DERL3: variants seen among roughly 807,000 people sequenced by gnomAD.
The protein encoded by DERL3 is derlin-3.
In DERL3, 20 loss-of-function variants were observed where a neutral mutation model predicts 23.8. The observed-to-expected ratio is 0.84, with a 90% confidence interval of 0.59 to 1.22. DERL3 has a LOEUF of 1.22. Ranked by LOEUF, DERL3 falls within the 50% of genes most tolerant of loss-of-function variation. The pLI, the probability that DERL3 is intolerant of heterozygous loss-of-function variation, is 0.00. For missense variants in DERL3, 319 were observed against 304.1 expected (o/e 1.05, Z -0.36); for synonymous variants, 145 against 132.5 (o/e 1.09, Z -0.65).
rs1273915199 is a variant in DERL3 at position 23,834,504 on chromosome 22, TCAA to T, written c.*2362_*2364del. On this transcript the variant is annotated 3_prime_UTR_variant, in exon 7 of 7. Coordinates refer to ENST00000318109, the MANE Select transcript of DERL3 (RefSeq NM_001002862.3). The stretch of plus-strand genomic sequence containing the variant: ...TTAAATAAAAGGCAACAGGTCATGT[TCAA>T]TTTCTTCAACAGGTCATGTTCAATT... 2.0e-6 allele frequency: 1 copy of T among 507,892 alleles called. No homozygotes were observed. Among genetic ancestry groups the T allele is most frequent in the Non-Finnish European group, 3.7e-6 (1 of 270,170 alleles). 31.5% of individuals were successfully genotyped at this position (507,892 alleles called of 1,614,324 possible). A position where few individuals can be genotyped will look rare whatever the true frequency, so the allele number is the denominator to read the frequency against.
Position 23,834,735 on chromosome 22 carries a change from C to G in DERL3, c.*2134G>C. 1 of 1,477,956 alleles carries G rather than the reference C, an allele frequency of 6.8e-7. No individual in the cohort carries two copies. The highest frequency in any genetic ancestry group is 9.0e-7 in the Non-Finnish European group (1 of 1,108,718). The allele number at this position is 1,477,956 out of a possible 1,614,324, so 91.6% of individuals were successfully genotyped here. ...CCCCTCAGCCTGTTCTCCTTCCAGA[C>G]CCAGAGAGCTGAGAAGAGTAGCTGT... On this transcript the variant is annotated 3_prime_UTR_variant, in exon 7 of 7. Transcript: ENST00000318109.
chr22:23,837,738 AGT>A lies in DERL3; in HGVS notation c.442_443del (p.Thr148PhefsTer75). On this transcript the variant is annotated frameshift_variant, in exon 5 of 7. Coordinates refer to ENST00000318109, the MANE Select transcript of DERL3 (RefSeq NM_001002862.3). LOFTEE classifies it high-confidence loss of function. Reference protein sequence around the residue: ...RVRVNFFGLLTFQAPFLPWAL... With the variant: ...RVRVNFFGLLXFQAPFLPWAL... Reference sequence around the variant, plus strand: ...CCCAAGGCAGGAACGGTGCCTGGAAAGTGAGCAGGCCGAAGAAGTTGACCCTC... The same window carrying A: ...CCCAAGGCAGGAACGGTGCCTGGAAAGAGCAGGCCGAAGAAGTTGACCCTC... 6.2e-7 allele frequency: 1 copy of A among 1,614,056 alleles called. No homozygotes were observed. Among genetic ancestry groups the A allele is most frequent in the Non-Finnish European group, 8.5e-7 (1 of 1,180,010 alleles).
chr22:23,837,535 A>G, intron 5 of DERL3, 124 bp downstream of exon 5: 1 of 1,023,506 alleles, frequency 9.8e-7, no homozygotes, highest in South Asian at 1.6e-5. Context: ...GGGCAGGAAG[A>G]TGGGGATGGA....
intron 3 of DERL3, 52 bp from the exon 4 acceptor site, chr22:23,838,497 C>T: frequency 1.1e-5 from 17 of 1,573,464 alleles, no homozygotes; most frequent in Non-Finnish European, 1.5e-5. Context: ...GTTTCCCCGT[C>T]CCGGCCTCTC....
chr22:23,837,994 GAC>G, intron 4 of DERL3, 140 bp from the exon 5 acceptor site: 1 of 1,237,916 alleles, frequency 8.1e-7, no homozygotes, highest in Admixed American at 2.6e-5. Flanking sequence ...CAATAAAGGC[GAC>G]ACACTCCACG....
At position 23,838,749 on chromosome 22, in the gene DERL3, G is replaced by T; in HGVS notation, c.121C>A (p.Leu41Ile). Residue 41 changes from leucine (L) to isoleucine (I), a missense_variant, in exon 2 of 7, where the codon CTC (leucine) becomes ATC (isoleucine). By Grantham distance (5) the Leu-to-Ile change is conservative (BLOSUM62 2). Transcript: ENST00000318109. ...VQLELLSPFQ[L>I]YFNPHLVFRK... ...AACACAAGGTGCGGGTTGAAGTAGA[G>T]TTGAAAGGGGCTGAGGAGCTCCAGC... The T allele has an allele frequency of 6.4e-7, 1 of 1,551,400 alleles. No homozygotes were observed.
At chr22:23,837,227 G>GC in intron 5 of DERL3, 73 bp from the exon 6 acceptor site, 1 of 1,561,514 alleles carries the variant, frequency 6.4e-7, no homozygotes, top group Non-Finnish European at 8.7e-7. Flanking sequence ...CCTGCCCCAG[G>GC]CCCCCATCCA....
chr22:23,837,476 T>G, intron 5 of DERL3, 183 bp downstream of exon 5: 1 of 692,564 alleles, frequency 1.4e-6, no homozygotes, highest in Non-Finnish European at 2.4e-6. Flanking sequence ...ACGATGCAAA[T>G]TATGTGGGCC....
Position 23,836,330 on chromosome 22 carries a change from G to A in DERL3, c.*539C>T, listed in dbSNP as rs1211485439. 1.0e-6 allele frequency: 1 copy of A among 985,410 alleles called. No homozygotes were observed. Among genetic ancestry groups the A allele is most frequent in the Admixed American group, 6.1e-5 (1 of 16,264 alleles). The allele number at this position is 985,410 out of a possible 1,614,324, so 61.0% of individuals were successfully genotyped here. A position where few individuals can be genotyped will look rare whatever the true frequency, so the allele number is the denominator to read the frequency against. ...AGGGTGGCTGATGAGAGACAGGAGAGGCTAGATTGGCATCAGCCTGAAGGC... is the reference window on the plus strand; with the variant it reads ...AGGGTGGCTGATGAGAGACAGGAGAAGCTAGATTGGCATCAGCCTGAAGGC... On this transcript the variant is annotated 3_prime_UTR_variant, in exon 7 of 7. Coordinates refer to ENST00000318109, the MANE Select transcript of DERL3 (RefSeq NM_001002862.3).
At chr22:23,837,899 C>CCAAG in intron 4 of DERL3, 45 bp from the exon 5 acceptor site, 1 of 1,566,726 alleles carries the variant, frequency 6.4e-7, no homozygotes, top group Non-Finnish European at 8.7e-7. Context: ...CAGCCCAAGC[C>CCAAG]CAGGGCCCCT....
Position 23,834,949 on chromosome 22 carries a change from C to T in DERL3, c.*1920G>A. The stretch of plus-strand genomic sequence containing the variant: ...TGAAGTCCCCTGCGGAGGGCCCAGT[C>T]CTGTGTGGGCACTGCTGGGCTGTCG... On this transcript the variant is annotated 3_prime_UTR_variant, in exon 7 of 7. Coordinates refer to ENST00000318109, the MANE Select transcript of DERL3 (RefSeq NM_001002862.3). The T allele has an allele frequency of 6.3e-7, 1 of 1,592,082 alleles. No homozygotes were observed. The highest frequency in any genetic ancestry group is 1.1e-5 in the South Asian group (1 of 89,260).
chr22:23,835,559 C>G lies in DERL3; in HGVS notation c.*1310G>C. 1 of 985,528 alleles carries G rather than the reference C, an allele frequency of 1.0e-6. No homozygotes were observed. Among genetic ancestry groups the G allele is most frequent in the Non-Finnish European group, 1.2e-6 (1 of 829,962 alleles). The allele number at this position is 985,528 out of a possible 1,614,324, so 61.0% of individuals were successfully genotyped here. Reference sequence around the variant, plus strand: ...CATGGGACTCTTCCCAGGGAGTTTGCACTCAGGGCCTCTGCCCTCCATCAA... The same window carrying G: ...CATGGGACTCTTCCCAGGGAGTTTGGACTCAGGGCCTCTGCCCTCCATCAA... On this transcript the variant is annotated 3_prime_UTR_variant, in exon 7 of 7. Coordinates refer to ENST00000318109, the MANE Select transcript of DERL3 (RefSeq NM_001002862.3).
chr22:23,838,394 G>C lies in DERL3; in HGVS notation c.285C>G (p.Ala95=), dbSNP rs141030731. The C allele has an allele frequency of 9.6e-4, 1,543 of 1,610,010 alleles. 24 individuals are homozygous for C. In the East Asian group the frequency reaches 0.028, roughly 29 times the overall value. ...CGAAGAGAAACATGAAGACGAAGTC[G>C]GCCGTGCGGCCGCGGAAGGAGCCCT... ...LEEGSFRGRT[A]DFVFMFLFGG... is the part of the protein sequence containing the mutation. The change falls in exon 4 of 7, where the codon GCC becomes GCG. Residue 95 remains alanine (A), a synonymous_variant. Coordinates refer to ENST00000318109, the MANE Select transcript of DERL3 (RefSeq NM_001002862.3).
rs1171862167 is a variant in DERL3 at position 23,836,766 on chromosome 22, T to A, written c.*103A>T. 8 of 1,394,532 alleles carry A rather than the reference T, an allele frequency of 5.7e-6. No individual in the cohort carries two copies. The African/African-American group carries it at 1.2e-4, about 21-fold the overall frequency. 86.4% of individuals were successfully genotyped at this position (1,394,532 alleles called of 1,614,324 possible). ...CATTCTGTTTATTCAGGTGGGCCCTTGCATGGGCCCAGCCTTTAGGATGGG... is the reference window on the plus strand; with the variant it reads ...CATTCTGTTTATTCAGGTGGGCCCTAGCATGGGCCCAGCCTTTAGGATGGG... On this transcript the variant is annotated 3_prime_UTR_variant, in exon 7 of 7. Transcript: ENST00000318109.
Position 23,837,343 on chromosome 22 carries a change from A to G in DERL3, c.524-189T>C, listed in dbSNP as rs527608229. On this transcript the variant is annotated intron_variant, in intron 5 of 6. Coordinates refer to ENST00000318109, the MANE Select transcript of DERL3 (RefSeq NM_001002862.3). ...GGACAAGCTTAAAAGGCCCAGAAGCAGGCAGGACCCAGGGAGGGGAGGGCC... is the reference window on the plus strand; with the variant it reads ...GGACAAGCTTAAAAGGCCCAGAAGCGGGCAGGACCCAGGGAGGGGAGGGCC... 16 of 765,126 alleles carry G rather than the reference A, an allele frequency of 2.1e-5. No homozygotes were observed. In the South Asian group the frequency reaches 2.3e-4, roughly 11 times the overall value. The allele number at this position is 765,126 out of a possible 1,614,324, so 47.4% of individuals were successfully genotyped here. A position where few individuals can be genotyped will look rare whatever the true frequency, so the allele number is the denominator to read the frequency against.
Position 23,834,754 on chromosome 22 carries a change from T to C in DERL3, c.*2115A>G, listed in dbSNP as rs1424264234. 9.5e-6 allele frequency: 14 copies of C among 1,467,508 alleles called. No homozygotes were observed. Among genetic ancestry groups the C allele is most frequent in the Non-Finnish European group, 1.3e-5 (14 of 1,115,006 alleles). 90.9% of individuals were successfully genotyped at this position (1,467,508 alleles called of 1,614,324 possible). A position where few individuals can be genotyped will look rare whatever the true frequency, so the allele number is the denominator to read the frequency against. On this transcript the variant is annotated 3_prime_UTR_variant, in exon 7 of 7. Transcript: ENST00000318109. Reference sequence around the variant, plus strand: ...TCCAGACCCAGAGAGCTGAGAAGAGTAGCTGTGAGGCTCAGGGCAAGAGGC... The same window carrying C: ...TCCAGACCCAGAGAGCTGAGAAGAGCAGCTGTGAGGCTCAGGGCAAGAGGC...
Position 23,838,862 on chromosome 22 carries a change from C to T in DERL3, c.93+33G>A, listed in dbSNP as rs1371066906. 1.9e-6 allele frequency: 3 copies of T among 1,551,232 alleles called. No homozygotes were observed. The East Asian group carries it at 7.3e-5, about 38-fold the overall frequency. On this transcript the variant is annotated intron_variant, in intron 1 of 6. Transcript: ENST00000318109. ...TCACCCCTCCCGCCAGAGGCTGTAACCAAGGCGACGTCCGGTCCGCCCGGC... is the reference window on the plus strand; with the variant it reads ...TCACCCCTCCCGCCAGAGGCTGTAATCAAGGCGACGTCCGGTCCGCCCGGC...
In DERL3 at chr22:23,836,781, T is replaced by G. The variant is rs1236834223; in HGVS notation, c.*88A>C. 22 of 1,411,914 alleles carry G rather than the reference T, an allele frequency of 1.6e-5. No individual in the cohort carries two copies. The highest frequency in any genetic ancestry group is 1.3e-5 in the Non-Finnish European group (14 of 1,083,654). The allele number at this position is 1,411,914 out of a possible 1,614,324, so 87.5% of individuals were successfully genotyped here. A position where few individuals can be genotyped will look rare whatever the true frequency, so the allele number is the denominator to read the frequency against. On this transcript the variant is annotated 3_prime_UTR_variant, in exon 7 of 7. Coordinates refer to ENST00000318109, the MANE Select transcript of DERL3 (RefSeq NM_001002862.3). ...GGTGGGCCCTTGCATGGGCCCAGCC[T>G]TTAGGATGGGTTTTTTCTGCCCCAA...
chr22:23,834,574 G>A lies in DERL3; in HGVS notation c.*2295C>T, dbSNP rs2030885606. ...ATAAAAATAATGAGAGCCAGGAGTG[G>A]GGCCGGGGCCTGGGGGGACGAAGGT... On this transcript the variant is annotated 3_prime_UTR_variant, in exon 7 of 7. Transcript: ENST00000318109. 1 of 693,128 alleles carries A rather than the reference G, an allele frequency of 1.4e-6. No individual in the cohort carries two copies. Among genetic ancestry groups the A allele is most frequent in the Non-Finnish European group, 2.6e-6 (1 of 387,592 alleles). The allele number at this position is 693,128 out of a possible 1,614,324, so 42.9% of individuals were successfully genotyped here. A position where few individuals can be genotyped will look rare whatever the true frequency, so the allele number is the denominator to read the frequency against.
Sources: gnomAD v4.1 joint callset for allele counts on GRCh38, gnomAD v4.1.1 for gene constraint, MANE v1.5 for transcripts, NCBI Gene and HGNC (gene_info 2026-07-23, HGNC 2026-07-21) for gene names.